Variants in SEC31A observed in about 807,000 individuals in gnomAD.
SEC31A encodes SEC31 homolog A, COPII component, also known as protein transport protein Sec31A.
In SEC31A, 70 loss-of-function variants were observed where a neutral mutation model predicts 151.0. That is an observed-to-expected ratio of 0.46 (90% confidence interval 0.38 to 0.57). The LOEUF is 0.57. Ranked by LOEUF, SEC31A falls within the 20% of genes least tolerant of loss-of-function variation. The pLI is 0.00. For synonymous variants in SEC31A, 475 were observed against 505.9 expected (o/e 0.94, Z 0.82); for missense variants, 1,330 against 1,471.2 (o/e 0.90, Z 1.57).
intron 1 of SEC31A, among the ~76,000 whole-genome samples, chr4:82,889,045 T>C (rs890040244): frequency 3.9e-5 from 6 of 152,204 alleles, no homozygotes; most frequent in Non-Finnish European, 5.9e-5. Context: ...AATATCTCAA[T>C]ATGGATAGAA....
At chr4:82,822,236 T>C (rs1179601746) in intron 25 of SEC31A, among the ~76,000 whole-genome samples, 1 of 151,982 alleles carries the variant, frequency 6.6e-6, no homozygotes, top group Non-Finnish European at 1.5e-5. Context: ...TGAGAAAAGA[T>C]ACTAAATGAA....
At chr4:82,892,131 T>C (rs1199767008), upstream of SEC31A, among the ~76,000 whole-genome samples, 1 of 152,248 alleles carries the variant, frequency 6.6e-6, no homozygotes, top group Non-Finnish European at 1.5e-5. Context: ...TTAACATCAA[T>C]TCACGCCAAC....
At chr4:82,898,500 CAATT>C (rs1377559546) in intron 3 of SEC31A, among the ~76,000 whole-genome samples, 1 of 152,106 alleles carries the variant, frequency 6.6e-6, no homozygotes, top group Non-Finnish European at 1.5e-5. Flanking sequence ...CTGAAATTAA[CAATT>C]AAAGGAATGT....
At chr4:82,862,400 T>G in intron 13 of SEC31A, 134 bp downstream of exon 13, 1 of 625,836 alleles carries the variant, frequency 1.6e-6, no homozygotes, top group Non-Finnish European at 2.8e-6. Context: ...ATTATTAATT[T>G]ATTAAAATAT....
At chr4:82,827,714 T>C in intron 23 of SEC31A, 82 bp from the exon 24 acceptor site, 1 of 1,439,240 alleles carries the variant, frequency 6.9e-7, no homozygotes, top group Non-Finnish European at 9.5e-7. Context: ...ATAAGGGAGT[T>C]AGGTTATACC....
At chr4:82,890,661 TG>T in intron 1 of SEC31A, 2 of 799,256 alleles carry the variant, frequency 2.5e-6, no homozygotes, top group Non-Finnish European at 3.1e-6. Flanking sequence ...CCTTTAAATC[TG>T]GCAATAGTTC....
chr4:82,846,467 T>C (rs896121430), intron 20 of SEC31A, among the ~76,000 whole-genome samples: 1 of 151,272 alleles, frequency 6.6e-6, no homozygotes, highest in Non-Finnish European at 1.5e-5. Flanking sequence ...TGAATTTTTT[T>C]CAATAGAAGT....
intron 16 of SEC31A, among the ~76,000 whole-genome samples, chr4:82,855,307 A>G (rs1229012181): frequency 6.6e-6 from 1 of 152,236 alleles, no homozygotes; most frequent in Non-Finnish European, 1.5e-5. Context: ...CAGATGGATC[A>G]GGAAAAACTG....
chr4:82,881,858 C>G lies in SEC31A; in HGVS notation c.79G>C (p.Gly27Arg). Residue 27 changes from glycine (G) to arginine (R), a missense_variant and splice_region_variant, in exon 2 of 27, where the codon GGA (glycine) becomes CGA (arginine). Gly to Arg is a moderately radical substitution (Grantham distance 125). Transcript: ENST00000395310. ...AQNHPIYLATGTSAQQLDATF... is the reference protein window; with the variant it reads ...AQNHPIYLATRTSAQQLDATF... Reference sequence around the variant, plus strand: ...ACTATCTTCTCTCCTTTGAACTTACCTGTTGCTAGGTAAATGGGGTGATTC... The same window carrying G: ...ACTATCTTCTCTCCTTTGAACTTACGTGTTGCTAGGTAAATGGGGTGATTC... 1 of 1,612,468 alleles carries G rather than the reference C, an allele frequency of 6.2e-7. No individual in the cohort carries two copies. Among genetic ancestry groups the G allele is most frequent in the Non-Finnish European group, 8.5e-7 (1 of 1,178,422 alleles).
At chr4:82,874,545 C>A in intron 6 of SEC31A, 66 bp downstream of exon 6, 1 of 1,423,318 alleles carries the variant, frequency 7.0e-7, no homozygotes, top group Non-Finnish European at 9.4e-7. Context: ...TCAACTCTGA[C>A]AAACAATATA....
chr4:82,878,513 A>AAAAACG (rs1167932255), intron 4 of SEC31A, among the ~76,000 whole-genome samples: 3 of 152,078 alleles, frequency 2.0e-5, no homozygotes, highest in South Asian at 2.1e-4. Flanking sequence ...AAACAAAAAC[A>AAAAACG]AAAACAAAAA....
chr4:82,835,089 C>A (rs1041735890), intron 22 of SEC31A, among the ~76,000 whole-genome samples: 2 of 152,160 alleles, frequency 1.3e-5, no homozygotes, highest in Admixed American at 1.3e-4. Context: ...TCAAGCGATG[C>A]ACCCACTTTG....
intron 3 of SEC31A, among the ~76,000 whole-genome samples, chr4:82,880,442 A>G (rs1578373046): frequency 6.6e-6 from 1 of 151,876 alleles, no homozygotes; most frequent in East Asian, 1.9e-4. Context: ...ACACAAAATT[A>G]GCTGGGCAAG....
At chr4:82,855,341 C>T (rs1292653748) in intron 16 of SEC31A, among the ~76,000 whole-genome samples, 1 of 152,074 alleles carries the variant, frequency 6.6e-6, no homozygotes, top group Non-Finnish European at 1.5e-5. Context: ...ACTTTTGACA[C>T]GTGATCTGAA....
upstream of SEC31A, chr4:82,891,205 T>C (rs936085586): frequency 6.8e-5 from 104 of 1,528,828 alleles, no homozygotes; most frequent in Admixed American, 1.6e-4. Context: ...CGTTCCAACG[T>C]GGCAGCCGCA....
intron 3 of SEC31A, 32 bp from the exon 4 acceptor site, chr4:82,878,960 C>G: frequency 1.3e-6 from 2 of 1,515,670 alleles, no homozygotes; most frequent in Non-Finnish European, 1.8e-6. Flanking sequence ...ATCATTCATT[C>G]TTAAAGTCAA....
At chr4:82,882,007 T>A in intron 1 of SEC31A, 67 bp from the exon 2 acceptor site, 2 of 1,210,832 alleles carry the variant, frequency 1.7e-6, no homozygotes, top group Non-Finnish European at 2.5e-6. Flanking sequence ...AACACAGATA[T>A]TTTAAATAGA....
chr4:82,823,162 T>C (rs764015066), intron 25 of SEC31A, among the ~76,000 whole-genome samples: 19 of 152,178 alleles, frequency 1.2e-4, no homozygotes, highest in Non-Finnish European at 2.8e-4. Flanking sequence ...AGGAATATAG[T>C]ATGATGACCG....
intron 19 of SEC31A, among the ~76,000 whole-genome samples, chr4:82,849,281 G>A (rs1462109077): frequency 6.6e-6 from 1 of 152,052 alleles, no homozygotes; most frequent in African/African-American, 2.4e-5. Context: ...ATGTTTTCTT[G>A]TGGTTACCTA....
Sources: allele counts gnomAD v4.1 joint callset (sites outside exome capture counted in the v4.1 genomes callset), GRCh38; gene constraint gnomAD v4.1.1; transcripts MANE v1.5; gene names NCBI Gene and HGNC (gene_info 2026-07-23, HGNC 2026-07-21).